The following SNRPF variants were observed in gnomAD, a reference collection of about 807,000 sequenced individuals.
SNRPF encodes the protein small nuclear ribonucleoprotein polypeptide F, also known as small nuclear ribonucleoprotein F.
Under a neutral mutation model 13.4 loss-of-function variants are expected in SNRPF, and 1 was observed. The ratio of observed to expected loss-of-function variants is 0.07; its 90% confidence interval spans 0.03 to 0.35. SNRPF has a LOEUF of 0.35. SNRPF is among the 10% of genes least tolerant of loss of function. The pLI is 0.99. For missense variants in SNRPF, 53 were observed against 101.0 expected (o/e 0.52, Z 2.04); for synonymous variants, 27 against 32.1 (o/e 0.84, Z 0.54).
Position 95,865,884 on chromosome 12 carries a change from T to A in SNRPF, c.195-121T>A, listed in dbSNP as rs184703228. 404 of 409,156 alleles carry A rather than the reference T, an allele frequency of 9.9e-4. 2 individuals are homozygous for A. Among genetic ancestry groups the A allele is most frequent in the East Asian group, 2.5e-3 (58 of 23,520 alleles). 25.3% of individuals were successfully genotyped at this position (409,156 alleles called of 1,614,324 possible). On this transcript the variant is annotated intron_variant, in intron 3 of 3. Transcript: ENST00000266735. ...TTTTAAAATGAATATATTTAAAAAA[T>A]TTTTTTAAAGACAAGAATATTATAA...
chr12:95,863,714 A>G (rs79900930), intron 2 of SNRPF, among the ~76,000 whole-genome samples: 6,788 of 152,264 alleles, frequency 0.045, 513 homozygotes, highest in African/African-American at 0.16. Context: ...AGTATGTGCA[A>G]TATTATATAG....
chr12:95,862,127 C>T (rs1314174508), intron 2 of SNRPF, among the ~76,000 whole-genome samples: 1 of 152,104 alleles, frequency 6.6e-6, no homozygotes, highest in Non-Finnish European at 1.5e-5. Context: ...GTGTATTATC[C>T]TTTTGTGTCT....
Position 95,859,025 on chromosome 12 carries a change from G to C in SNRPF, c.-49G>C, listed in dbSNP as rs746653500. On this transcript the variant is annotated 5_prime_UTR_variant, in exon 1 of 4. Transcript: ENST00000266735. ...CCTGCTGTAGTCACGAGGGACGGGC[G>C]GCGGCCTGGTCGGCAGAGAGTAGCC... is the stretch of plus-strand genomic sequence containing the variant. The C allele has an allele frequency of 8.9e-5, 143 of 1,609,618 alleles. 1 individual carries two copies. In the South Asian group the frequency reaches 1.1e-3, roughly 13 times the overall value.
intron 2 of SNRPF, among the ~76,000 whole-genome samples, chr12:95,863,051 C>CT (rs2079503492): frequency 6.6e-6 from 1 of 151,894 alleles, no homozygotes; most frequent in Non-Finnish European, 1.5e-5. Flanking sequence ...TTTTTAAAGG[C>CT]TATCAAGACA....
At chr12:95,860,923 T>C (rs2079492937) in intron 1 of SNRPF, among the ~76,000 whole-genome samples, 1 of 146,974 alleles carries the variant, frequency 6.8e-6, no homozygotes, top group Non-Finnish European at 1.5e-5. Context: ...GTGATGTAGG[T>C]AGTCAGTGTA....
At chr12:95,861,460 A>G in intron 2 of SNRPF, 167 bp downstream of exon 2, 1 of 485,006 alleles carries the variant, frequency 2.1e-6, no homozygotes, top group Admixed American at 4.0e-5. Flanking sequence ...TATACTAGGT[A>G]CAAGACATGG....
chr12:95,860,481 A>G (rs575272373), intron 1 of SNRPF, among the ~76,000 whole-genome samples: 17 of 152,268 alleles, frequency 1.1e-4, no homozygotes, highest in African/African-American at 3.9e-4. Flanking sequence ...TCCTTTTACT[A>G]CAGTGCAGCA....
intron 1 of SNRPF, among the ~76,000 whole-genome samples, chr12:95,860,878 C>G (rs571384927): frequency 2.1e-4 from 19 of 89,450 alleles, no homozygotes; most frequent in African/African-American, 7.3e-4. Flanking sequence ...TTTTTAGTGC[C>G]TTTATCTTTG....
chr12:95,860,983 G>A (rs2079493129), intron 1 of SNRPF, among the ~76,000 whole-genome samples, 185 bp from the exon 2 acceptor site: 1 of 150,912 alleles, frequency 6.6e-6, no homozygotes, highest in East Asian at 1.9e-4. Flanking sequence ...AGGTGAAATT[G>A]GCTAACTGGA....
intron 2 of SNRPF, among the ~76,000 whole-genome samples, chr12:95,864,352 AT>A (rs1280537034): frequency 3.3e-5 from 5 of 152,010 alleles, no homozygotes; most frequent in African/African-American, 1.2e-4. Flanking sequence ...ATTGATTGTG[AT>A]TTTTCTTTTA....
At chr12:95,865,232 G>T in intron 2 of SNRPF, 92 bp from the exon 3 acceptor site, 1 of 559,976 alleles carries the variant, frequency 1.8e-6, no homozygotes. Flanking sequence ...GTATAGAAAG[G>T]TCTCAGTTAA....
At chr12:95,861,458 G>A (rs541799797) in intron 2 of SNRPF, 165 bp downstream of exon 2, 2 of 488,830 alleles carry the variant, frequency 4.1e-6, no homozygotes, top group South Asian at 4.2e-5. Context: ...GATATACTAG[G>A]TACAAGACAT....
chr12:95,865,579 A>C (rs2079517350), intron 3 of SNRPF, among the ~76,000 whole-genome samples, 191 bp downstream of exon 3: 1 of 152,192 alleles, frequency 6.6e-6, no homozygotes, highest in Admixed American at 6.5e-5. Flanking sequence ...ATGTTTTGGA[A>C]CTGGCCAAAA....
chr12:95,859,918 T>A (rs544662242), intron 1 of SNRPF, among the ~76,000 whole-genome samples: 7 of 152,296 alleles, frequency 4.6e-5, no homozygotes, highest in African/African-American at 1.7e-4. Flanking sequence ...TCATAGTTAC[T>A]GTGGTGGATA....
At position 95,858,961 on chromosome 12, in the gene SNRPF, G is replaced by C. The variant is rs112166803; in HGVS notation, c.-113G>C. 7.9e-5 allele frequency: 119 copies of C among 1,497,948 alleles called. 2 individuals are homozygous for C. The Middle Eastern group carries it at 1.0e-3, about 13-fold the overall frequency. The allele number at this position is 1,497,948 out of a possible 1,614,324, so 92.8% of individuals were successfully genotyped here. A position where few individuals can be genotyped will look rare whatever the true frequency, so the allele number is the denominator to read the frequency against. On this transcript the variant is annotated 5_prime_UTR_variant, in exon 1 of 4. Transcript: ENST00000266735. ...GTGAAAGGTCATAGTCCTGTTTGGC[G>C]GCCATTTCTCTTGAAACTGCGGCTC...
intron 2 of SNRPF, among the ~76,000 whole-genome samples, chr12:95,862,236 G>A (rs955099532): frequency 2.0e-5 from 3 of 151,994 alleles, no homozygotes; most frequent in Non-Finnish European, 4.4e-5. Context: ...TCCATTATAT[G>A]GATATACCAC....
Position 95,859,456 on chromosome 12 carries a change from A to G in SNRPF, c.3+380A>G, listed in dbSNP as rs151216613. Among the ~76,000 whole-genome samples, 279 of 152,382 alleles carry G rather than the reference A, an allele frequency of 1.8e-3. 1 individual carries two copies. Among genetic ancestry groups the G allele is most frequent in the African/African-American group, 5.9e-3 (246 of 41,596 alleles). ...AGATTAACTCACTTGGGTGGGGAAG[A>G]CAGACATTAGTCAAAAAATAACAAG... is the stretch of plus-strand genomic sequence containing the variant. On this transcript the variant is annotated intron_variant, in intron 1 of 3. Transcript: ENST00000266735.
chr12:95,861,207 A>G lies in SNRPF; in HGVS notation c.43A>G (p.Thr15Ala). 6.2e-7 allele frequency: 1 copy of G among 1,612,088 alleles called. No homozygotes were observed. ...TCCCAAACCTTTCCTCAATGGACTA[A>G]CAGGAAAGCCAGTGATGGTGAAACT... ...LNPKPFLNGLTGKPVMVKLKW... is the reference protein window; with the variant it reads ...LNPKPFLNGLAGKPVMVKLKW... The change falls in exon 2 of 4, where the codon ACA becomes GCA. Residue 15 changes from threonine (T) to alanine (A), a missense_variant. Coordinates refer to ENST00000266735, the MANE Select transcript of SNRPF (RefSeq NM_003095.5).
Position 95,861,298 on chromosome 12 carries a change from G to A in SNRPF, c.129+5G>A. Reference sequence around the variant, plus strand: ...GATGGCTACATGAACATGCAGGTAAGCTAAAGAGCTGTAAAGGTCATAACA... The same window carrying A: ...GATGGCTACATGAACATGCAGGTAAACTAAAGAGCTGTAAAGGTCATAACA... On this transcript the variant is annotated splice_donor_5th_base_variant and intron_variant, in intron 2 of 3. Coordinates refer to ENST00000266735, the MANE Select transcript of SNRPF (RefSeq NM_003095.5). The A allele has an allele frequency of 3.7e-6, 6 of 1,608,138 alleles. No homozygotes were observed. The highest frequency in any genetic ancestry group is 5.1e-6 in the Non-Finnish European group (6 of 1,176,446).
Sources: allele counts gnomAD v4.1 joint callset (sites outside exome capture counted in the v4.1 genomes callset), GRCh38; gene constraint gnomAD v4.1.1; transcripts MANE v1.5; gene names NCBI Gene and HGNC (gene_info 2026-07-23, HGNC 2026-07-21).